The following SLC10A7 variants were observed in gnomAD, a reference collection of about 807,000 sequenced individuals.
SLC10A7 encodes the protein sodium/bile acid cotransporter 7.
In SLC10A7, 29 loss-of-function variants were observed where a neutral mutation model predicts 43.2. That is an observed-to-expected ratio of 0.67 (90% CI 0.50 to 0.92). The LOEUF (loss-of-function observed/expected upper bound fraction) is 0.92, where lower values mean the gene tolerates loss of function less well. Ranked by LOEUF, SLC10A7 falls within the 40% of genes least tolerant of loss-of-function variation. The pLI, the probability that SLC10A7 is intolerant of heterozygous loss-of-function variation, is 0.00. For synonymous variants in SLC10A7, 152 were observed against 144.8 expected (o/e 1.05, Z -0.35); for missense variants, 295 against 403.2 (o/e 0.73, Z 2.30).
chr4:146,406,452 A>T (rs1039168918), intron 5 of SLC10A7, among the ~76,000 whole-genome samples: 1 of 152,160 alleles, frequency 6.6e-6, no homozygotes, highest in African/African-American at 2.4e-5. Context: ...ACCATATTAG[A>T]CTGACAGTTC....
chr4:146,467,560 C>T (rs1368391170), intron 4 of SLC10A7, among the ~76,000 whole-genome samples: 2 of 92,884 alleles, frequency 2.2e-5, no homozygotes, highest in Admixed American at 1.3e-4. Flanking sequence ...TTTTCTTTCT[C>T]TCTTTTTTTT....
At chr4:146,360,890 T>C (rs1332144425) in intron 5 of SLC10A7, among the ~76,000 whole-genome samples, 1 of 152,072 alleles carries the variant, frequency 6.6e-6, no homozygotes, top group African/African-American at 2.4e-5. Context: ...TCAACAAATA[T>C]ACAGATCTGA....
chr4:146,310,596 A>AT (rs1326273773), intron 6 of SLC10A7, among the ~76,000 whole-genome samples: 2 of 151,636 alleles, frequency 1.3e-5, no homozygotes, highest in African/African-American at 4.8e-5. Context: ...TTTTTTTCCT[A>AT]TATTTGTTGG....
intron 5 of SLC10A7, among the ~76,000 whole-genome samples, chr4:146,335,250 GTAAAA>G (rs1191001644): frequency 1.7e-4 from 12 of 70,624 alleles, no homozygotes; most frequent in Non-Finnish European, 2.6e-4. Flanking sequence ...CACAGATGTT[GTAAAA>G]AAAAAAAAAA....
chr4:146,306,907 C>G (rs1251076152), intron 6 of SLC10A7, among the ~76,000 whole-genome samples: 1 of 152,138 alleles, frequency 6.6e-6, no homozygotes, highest in Admixed American at 6.5e-5. Flanking sequence ...TTTTGCCTTT[C>G]CCCTGCAGAC....
chr4:146,516,415 TTGTGTGTGTG>T (rs1233210607), intron 2 of SLC10A7, among the ~76,000 whole-genome samples: 1 of 147,610 alleles, frequency 6.8e-6, no homozygotes, highest in African/African-American at 2.5e-5. Flanking sequence ...GTGTGTGTGT[TTGTGTGTGTG>T]TGTGTATACA....
At chr4:146,428,371 C>T (rs1274066804) in intron 5 of SLC10A7, among the ~76,000 whole-genome samples, 2 of 152,076 alleles carry the variant, frequency 1.3e-5, no homozygotes, top group Non-Finnish European at 2.9e-5. Flanking sequence ...AAATTTTAAC[C>T]GCTGACAAGA....
At chr4:146,521,074 CAA>C (rs1243906094) in intron 1 of SLC10A7, among the ~76,000 whole-genome samples, 1 of 152,130 alleles carries the variant, frequency 6.6e-6, no homozygotes, top group Admixed American at 6.5e-5. Context: ...GTCCTGTAAT[CAA>C]AGAGTGCAAC....
At chr4:146,451,165 G>A (rs1246165755) in intron 4 of SLC10A7, among the ~76,000 whole-genome samples, 2 of 130,448 alleles carry the variant, frequency 1.5e-5, no homozygotes, top group Non-Finnish European at 3.2e-5. Flanking sequence ...TAAAAAAGGA[G>A]AAGCTAAAAT....
intron 2 of SLC10A7, among the ~76,000 whole-genome samples, chr4:146,512,409 A>G (rs1737568151): frequency 6.6e-6 from 1 of 152,264 alleles, no homozygotes; most frequent in Non-Finnish European, 1.5e-5. Flanking sequence ...TAAAGATATA[A>G]AAATGTGATT....
chr4:146,428,170 C>A (rs146966935), intron 5 of SLC10A7, among the ~76,000 whole-genome samples: 46 of 152,106 alleles, frequency 3.0e-4, no homozygotes, highest in Non-Finnish European at 5.6e-4. Context: ...TGAAACAAGA[C>A]CCTAACTCAA....
chr4:146,435,353 G>C (rs1185760158), intron 5 of SLC10A7, among the ~76,000 whole-genome samples: 2 of 152,126 alleles, frequency 1.3e-5, no homozygotes, highest in South Asian at 4.2e-4. Context: ...TTTTCCTCCT[G>C]CTTCTCTCCA....
intron 5 of SLC10A7, among the ~76,000 whole-genome samples, chr4:146,438,350 G>T (rs942366330): frequency 1.3e-5 from 2 of 152,034 alleles, no homozygotes; most frequent in Non-Finnish European, 2.9e-5. Flanking sequence ...GAAAAATTAT[G>T]TGAAAGAAAC....
intron 4 of SLC10A7, among the ~76,000 whole-genome samples, chr4:146,498,964 C>T (rs889645210): frequency 1.3e-5 from 2 of 152,112 alleles, no homozygotes; most frequent in African/African-American, 2.4e-5. Flanking sequence ...TTTCCTCCTA[C>T]GTTCTATAAC....
At position 146,256,455 on chromosome 4, in the gene SLC10A7, C is replaced by CAT. The variant is rs1560737469; in HGVS notation, c.*34_*35dup. 6.2e-7 allele frequency: 1 copy of CAT among 1,607,990 alleles called. No individual in the cohort carries two copies. The highest frequency in any genetic ancestry group is 1.7e-5 in the Admixed American group (1 of 60,008). ...AATTGCTAGTATGTACAATCCTGTA[C>CAT]ATATATACATTGCTACAGAAAGTCC... On this transcript the variant is annotated 3_prime_UTR_variant, in exon 12 of 12. Transcript: ENST00000335472.
intron 5 of SLC10A7, among the ~76,000 whole-genome samples, chr4:146,409,418 A>G (rs1203670738): frequency 1.3e-5 from 2 of 151,806 alleles, no homozygotes; most frequent in Non-Finnish European, 2.9e-5. Context: ...AAAAGGCAAA[A>G]CTAAAGGGAT....
intron 4 of SLC10A7, among the ~76,000 whole-genome samples, chr4:146,482,193 A>G (rs987049838): frequency 1.3e-5 from 2 of 152,178 alleles, no homozygotes; most frequent in African/African-American, 4.8e-5. Context: ...CAATGCAAAA[A>G]CACAAGACAC....
At chr4:146,462,263 T>A (rs1275060027) in intron 4 of SLC10A7, among the ~76,000 whole-genome samples, 1 of 152,152 alleles carries the variant, frequency 6.6e-6, no homozygotes, top group Admixed American at 6.6e-5. Context: ...TTCTTTTTTG[T>A]TAGTAAAATC....
chr4:146,381,837 T>C (rs955149299), intron 5 of SLC10A7, among the ~76,000 whole-genome samples: 12 of 152,092 alleles, frequency 7.9e-5, no homozygotes, highest in Admixed American at 2.0e-4. Flanking sequence ...TAGACAGCAT[T>C]TATACCTTTT....
Sources: gnomAD v4.1 joint callset for allele counts (sites outside exome capture counted in the v4.1 genomes callset) on GRCh38, gnomAD v4.1.1 for gene constraint, MANE v1.5 for transcripts, NCBI Gene and HGNC (gene_info 2026-07-23, HGNC 2026-07-21) for gene names.